The following NRIP1 variants were observed in gnomAD, a reference collection of about 807,000 sequenced individuals.
NRIP1 encodes the protein nuclear receptor-interacting protein 1.
Under a neutral mutation model 75.0 loss-of-function variants are expected in NRIP1, and 28 were observed. The ratio of observed to expected loss-of-function variants is 0.37; its 90% confidence interval spans 0.28 to 0.51. The LOEUF is 0.51. Among genes scored for constraint, NRIP1 ranks in the 20% least tolerant of loss-of-function variants. The pLI, the probability that NRIP1 is intolerant of heterozygous loss-of-function variation, is 0.92. For missense variants in NRIP1, 1,435 were observed against 1,343.7 expected (o/e 1.07, Z -1.06); for synonymous variants, 526 against 487.6 (o/e 1.08, Z -1.04).
At chr21:14,982,287 T>C (rs1297764825) in intron 3 of NRIP1, among the ~76,000 whole-genome samples, 1 of 152,214 alleles carries the variant, frequency 6.6e-6, no homozygotes. Context: ...TCTATAGAAA[T>C]TCTTGTCATT....
intron 3 of NRIP1, among the ~76,000 whole-genome samples, chr21:14,986,413 C>T (rs964198721): frequency 6.6e-5 from 10 of 152,162 alleles, no homozygotes; most frequent in Non-Finnish European, 1.3e-4. Context: ...AACTTTTTAC[C>T]ATATTAGCAT....
Position 14,965,557 on chromosome 21 carries a change from T to C in NRIP1, c.2636A>G (p.Asp879Gly), listed in dbSNP as rs751624261. 2 of 1,613,924 alleles carry C rather than the reference T, an allele frequency of 1.2e-6. No individual in the cohort carries two copies. The highest frequency in any genetic ancestry group is 1.1e-5 in the South Asian group (1 of 91,090). The part of the protein sequence containing the change: ...PFKKMKNNIV[D>G]AANNHSAPEV... Reference sequence around the variant, plus strand: ...TGGGGCACTGTGATTGTTTGCAGCATCAACAATGTTGTTTTTCATCTTTTT... The same window carrying C: ...TGGGGCACTGTGATTGTTTGCAGCACCAACAATGTTGTTTTTCATCTTTTT... The change falls in exon 4 of 4, where the codon GAT (aspartate) becomes GGT (glycine). Residue 879 changes from aspartate (D) to glycine (G), a missense_variant. By Grantham distance (94) the Asp-to-Gly change is moderately conservative (BLOSUM62 -1). Transcript: ENST00000318948.
chr21:14,970,418 C>A lies in NRIP1; in HGVS notation c.-334-1892G>T, dbSNP rs565205437. On this transcript the variant is annotated intron_variant, in intron 3 of 3. Coordinates refer to ENST00000318948, the MANE Select transcript of NRIP1 (RefSeq NM_003489.4). ...AAAATTAGCCGGGTATGGTGGCATG[C>A]GCCTGTAGTCCCAGCTACTCAGGAG... Among the ~76,000 whole-genome samples, 12 of 152,152 alleles carry A rather than the reference C, an allele frequency of 7.9e-5. No individual in the cohort carries two copies. The South Asian group carries it at 2.3e-3, about 29-fold the overall frequency.
At position 14,961,306 on chromosome 21, in the gene NRIP1, A is replaced by C. The variant is rs1054961670; in HGVS notation, c.*3410T>G. Reference sequence around the variant, plus strand: ...ACACTAAAAGATTAAAAAACAAAACAAAAAAATTCACACTGCAGTATGTAC... The same window carrying C: ...ACACTAAAAGATTAAAAAACAAAACCAAAAAATTCACACTGCAGTATGTAC... On this transcript the variant is annotated 3_prime_UTR_variant, in exon 4 of 4. Transcript: ENST00000318948. 7 of 150,560 alleles carry C rather than the reference A, an allele frequency of 4.6e-5. No homozygotes were observed. Among genetic ancestry groups the C allele is most frequent in the African/African-American group, 1.8e-4 (7 of 39,666 alleles). 9.3% of individuals were successfully genotyped at this position (150,560 alleles called of 1,614,324 possible).
At chr21:15,006,649 C>G (rs1396674652) in intron 3 of NRIP1, among the ~76,000 whole-genome samples, 2 of 152,066 alleles carry the variant, frequency 1.3e-5, no homozygotes, top group African/African-American at 4.8e-5. Flanking sequence ...AAATTATTCC[C>G]TTTTAAAAAA....
intron 2 of NRIP1, among the ~76,000 whole-genome samples, chr21:15,022,169 A>G (rs970233658): frequency 3.3e-5 from 5 of 152,222 alleles, no homozygotes; most frequent in African/African-American, 9.6e-5. Context: ...AGACTGGATA[A>G]AGAAAATGTG....
At position 14,967,444 on chromosome 21, in the gene NRIP1, C is replaced by T; in HGVS notation, c.749G>A (p.Arg250Lys). 6.2e-7 allele frequency: 1 copy of T among 1,613,990 alleles called. No homozygotes were observed. Among genetic ancestry groups the T allele is most frequent in the Middle Eastern group, 1.7e-4 (1 of 6,058 alleles). The change falls in exon 4 of 4, where the codon AGG (arginine) becomes AAG (lysine). Residue 250 changes from arginine to lysine, a missense_variant. Physicochemically the swap from Arg to Lys is conservative, Grantham distance 26. Coordinates refer to ENST00000318948, the MANE Select transcript of NRIP1 (RefSeq NM_003489.4). ...TTTAGGTGAGGTGGCAGGACTAGCCCTTTTTTCCACCATGCTTGCAACAGC... is the reference window on the plus strand; with the variant it reads ...TTTAGGTGAGGTGGCAGGACTAGCCTTTTTTTCCACCATGCTTGCAACAGC... The part of the protein sequence containing the change: ...LQAVASMVEK[R>K]ASPATSPKPS...
intron 3 of NRIP1, among the ~76,000 whole-genome samples, chr21:15,008,019 C>A (rs2088013525): frequency 6.6e-6 from 1 of 152,164 alleles, no homozygotes. Flanking sequence ...GAAAGGTACA[C>A]AACGCATTCC....
At chr21:15,010,470 G>C (rs1241540879) in intron 3 of NRIP1, among the ~76,000 whole-genome samples, 2 of 151,724 alleles carry the variant, frequency 1.3e-5, no homozygotes, top group Non-Finnish European at 2.9e-5. Context: ...GCTTAGTCTA[G>C]TAGGGATCTT....
chr21:15,063,904 G>A (rs940805664), intron 1 of NRIP1, among the ~76,000 whole-genome samples: 2 of 152,238 alleles, frequency 1.3e-5, no homozygotes, highest in Non-Finnish European at 2.9e-5. Context: ...ATCAACATGT[G>A]TCACAGACTC....
intron 3 of NRIP1, among the ~76,000 whole-genome samples, chr21:14,996,656 A>G (rs938561485): frequency 4.6e-5 from 7 of 152,160 alleles, no homozygotes; most frequent in African/African-American, 1.7e-4. Context: ...CCACTAGACT[A>G]TAACTATTGC....
At chr21:15,049,672 A>G (rs1039437247) in intron 1 of NRIP1, among the ~76,000 whole-genome samples, 2 of 152,160 alleles carry the variant, frequency 1.3e-5, no homozygotes, top group Non-Finnish European at 2.9e-5. Flanking sequence ...GTTTCCACAC[A>G]TTAAATTAGG....
chr21:15,024,257 T>A (rs921996834), intron 2 of NRIP1, among the ~76,000 whole-genome samples: 1 of 152,062 alleles, frequency 6.6e-6, no homozygotes, highest in Admixed American at 6.6e-5. Context: ...GCCAAAAACA[T>A]TGGGGGTTGG....
chr21:15,058,261 G>A (rs1368475247), intron 1 of NRIP1, among the ~76,000 whole-genome samples: 1 of 152,140 alleles, frequency 6.6e-6, no homozygotes, highest in Non-Finnish European at 1.5e-5. Flanking sequence ...TCAAACCTGA[G>A]CCTACATAAC....
At chr21:15,021,163 T>C (rs1271039221) in intron 2 of NRIP1, among the ~76,000 whole-genome samples, 1 of 151,976 alleles carries the variant, frequency 6.6e-6, no homozygotes, top group Non-Finnish European at 1.5e-5. Context: ...ACAAAACAAA[T>C]GCCCATCAAC....
intron 2 of NRIP1, among the ~76,000 whole-genome samples, chr21:15,028,228 G>A (rs919545747): frequency 6.6e-6 from 1 of 152,136 alleles, no homozygotes; most frequent in Non-Finnish European, 1.5e-5. Context: ...CAATAATCTT[G>A]TTAAAAGACA....
chr21:14,974,929 G>A (rs543995163), intron 3 of NRIP1, among the ~76,000 whole-genome samples: 104 of 151,918 alleles, frequency 6.8e-4, no homozygotes, highest in African/African-American at 2.4e-3. Context: ...GCAACATGGC[G>A]AGACCCCATC....
At chr21:14,988,953 G>A (rs1190399701) in intron 3 of NRIP1, among the ~76,000 whole-genome samples, 1 of 152,076 alleles carries the variant, frequency 6.6e-6, no homozygotes. Flanking sequence ...GAGGAGAGGA[G>A]AGGGAAGGGA....
intron 3 of NRIP1, among the ~76,000 whole-genome samples, chr21:14,994,682 A>G (rs1200096336): frequency 1.2e-4 from 19 of 152,210 alleles, no homozygotes; most frequent in Admixed American, 1.2e-3. Context: ...AAGACATTTC[A>G]TTTCAAAGAT....
Sources: allele counts gnomAD v4.1 joint callset (sites outside exome capture counted in the v4.1 genomes callset), GRCh38; gene constraint gnomAD v4.1.1; transcripts MANE v1.5; gene names NCBI Gene and HGNC (gene_info 2026-07-23, HGNC 2026-07-21).